Variants in CNTNAP5 observed in about 807,000 individuals in gnomAD.
The protein encoded by CNTNAP5 is contactin associated protein family member 5, also known as contactin-associated protein-like 5.
A neutral mutation model predicts 150.2 loss-of-function variants in CNTNAP5; 72 were observed. The observed-to-expected ratio is 0.48, with a 90% confidence interval of 0.40 to 0.58. The LOEUF (loss-of-function observed/expected upper bound fraction) is 0.58, where lower values mean the gene tolerates loss of function less well. Ranked by LOEUF, CNTNAP5 falls within the 20% of genes least tolerant of loss-of-function variation. CNTNAP5 has a pLI of 0.00. For synonymous variants in CNTNAP5, 672 were observed against 619.8 expected (o/e 1.08, Z -1.25); for missense variants, 1,636 against 1,626.2 (o/e 1.01, Z -0.10).
chr2:124,251,465 TG>T (rs1277781665), intron 3 of CNTNAP5, among the ~76,000 whole-genome samples: 1 of 69,674 alleles, frequency 1.4e-5, no homozygotes, highest in African/African-American at 5.8e-5. Context: ...ACGCTGTGGG[TG>T]CTTTTTTTTT....
chr2:124,566,149 A>G (rs1468587658), intron 11 of CNTNAP5, among the ~76,000 whole-genome samples: 1 of 143,280 alleles, frequency 7.0e-6, no homozygotes, highest in African/African-American at 2.5e-5. Flanking sequence ...GACCCCCATA[A>G]GGCTGTCCAG....
chr2:124,029,928 A>G (rs1245752559), intron 1 of CNTNAP5, among the ~76,000 whole-genome samples: 1 of 152,100 alleles, frequency 6.6e-6, no homozygotes, highest in Non-Finnish European at 1.5e-5. Flanking sequence ...ATCCCAGAGG[A>G]CAATTGGAAT....
chr2:124,356,854 T>C (rs1573937873), intron 3 of CNTNAP5, among the ~76,000 whole-genome samples: 2 of 151,600 alleles, frequency 1.3e-5, no homozygotes, highest in South Asian at 4.2e-4. Context: ...ATGGTATTTC[T>C]AGTTCTAGAT....
At chr2:124,464,516 C>T (rs191243806) in intron 6 of CNTNAP5, among the ~76,000 whole-genome samples, 195 of 152,206 alleles carry the variant, frequency 1.3e-3, no homozygotes, top group African/African-American at 4.2e-3. Flanking sequence ...ATATGTACTA[C>T]GAGCATATTA....
chr2:124,464,674 T>C (rs530916207), intron 6 of CNTNAP5, among the ~76,000 whole-genome samples: 5 of 152,320 alleles, frequency 3.3e-5, no homozygotes, highest in African/African-American at 1.2e-4. Flanking sequence ...TTACTTTCTT[T>C]TTTAAATACT....
intron 19 of CNTNAP5, among the ~76,000 whole-genome samples, chr2:124,846,930 C>G (rs6709530): frequency 0.013 from 1,967 of 152,276 alleles, 49 homozygotes; most frequent in African/African-American, 0.044. Context: ...GATTTGCCTT[C>G]TGATCTTGCA....
In CNTNAP5 at chr2:124,526,692, A is replaced by T. The variant is rs147284968; in HGVS notation, c.1478-593A>T. Reference sequence around the variant, plus strand: ...TATGCTATTACAGCCCTAAAATGACATGCATTTAAACCCTTAGTTCCTTCT... The same window carrying T: ...TATGCTATTACAGCCCTAAAATGACTTGCATTTAAACCCTTAGTTCCTTCT... On this transcript the variant is annotated intron_variant, in intron 9 of 23. Coordinates refer to ENST00000682447, the MANE Select transcript of CNTNAP5 (RefSeq NM_001367498.1). Among the ~76,000 whole-genome samples the T allele has an allele frequency of 4.0e-3, 614 of 152,332 alleles. 4 individuals are homozygous for T. The highest frequency in any genetic ancestry group is 0.014 in the African/African-American group (575 of 41,576).
chr2:124,744,672 T>C (rs1204460059), intron 13 of CNTNAP5, among the ~76,000 whole-genome samples: 1 of 152,198 alleles, frequency 6.6e-6, no homozygotes, highest in Non-Finnish European at 1.5e-5. Flanking sequence ...TAATCATGCT[T>C]TGTTCCTTCA....
intron 8 of CNTNAP5, among the ~76,000 whole-genome samples, chr2:124,511,965 A>ATG (rs1398070038): frequency 2.7e-5 from 4 of 149,390 alleles, no homozygotes; most frequent in Non-Finnish European, 4.4e-5. Context: ...AAATGTGTAT[A>ATG]TGTGTGTGTG....
rs538796535 is a variant in CNTNAP5, at chr2:124,791,693, C to CTTT, written c.2992+1569_2992+1571dup. On this transcript the variant is annotated intron_variant, in intron 18 of 23. Coordinates refer to ENST00000682447, the MANE Select transcript of CNTNAP5 (RefSeq NM_001367498.1). Reference sequence around the variant, plus strand: ...TATTGTTCTAAATGTAGCCTAATTTCTTTTTTTTTTTTTTTTTTTGGCTCC... The same window carrying CTTT: ...TATTGTTCTAAATGTAGCCTAATTTCTTTTTTTTTTTTTTTTTTTTTTGGCTCC... 5.2e-5 allele frequency among the ~76,000 whole-genome samples: 6 copies of CTTT among 115,378 alleles called. No homozygotes were observed. The East Asian group carries it at 8.0e-4, about 15-fold the overall frequency. 75.7% of individuals were successfully genotyped at this position (115,378 alleles called of 152,430 possible).
In CNTNAP5 at chr2:124,650,172, G is replaced by A. The variant is rs116773755; in HGVS notation, c.2077+2214G>A. Among the ~76,000 whole-genome samples the A allele has an allele frequency of 1.7e-3, 257 of 152,262 alleles. 2 individuals carry two copies. Among genetic ancestry groups the A allele is most frequent in the African/African-American group, 5.8e-3 (242 of 41,552 alleles). ...CCCATGTGCTCTGAATCAAAAGGAG[G>A]GAGATAAAGGAGAACAATGGGTATG... On this transcript the variant is annotated intron_variant, in intron 13 of 23. Transcript: ENST00000682447.
At chr2:124,290,939 G>A (rs990098394) in intron 3 of CNTNAP5, among the ~76,000 whole-genome samples, 1 of 151,562 alleles carries the variant, frequency 6.6e-6, no homozygotes, top group African/African-American at 2.4e-5. Context: ...AATTGTAGAT[G>A]TTCCTCATAG....
At chr2:124,331,936 A>G (rs1403740771) in intron 3 of CNTNAP5, among the ~76,000 whole-genome samples, 1 of 151,956 alleles carries the variant, frequency 6.6e-6, no homozygotes, top group African/African-American at 2.4e-5. Flanking sequence ...TTACTTTTGT[A>G]TCAGTGTACT....
intron 19 of CNTNAP5, among the ~76,000 whole-genome samples, chr2:124,814,362 A>T (rs192910699): frequency 7.2e-4 from 109 of 152,168 alleles, no homozygotes; most frequent in African/African-American, 2.5e-3. Context: ...GACTGCATTA[A>T]GAGCCCTTCA....
At chr2:124,567,299 T>C (rs887831706) in intron 11 of CNTNAP5, among the ~76,000 whole-genome samples, 9 of 152,196 alleles carry the variant, frequency 5.9e-5, no homozygotes, top group Middle Eastern at 3.2e-3. Context: ...AGAGATATCT[T>C]CAGTCCGTCT....
chr2:124,484,121 A>G (rs1470701905), intron 7 of CNTNAP5, among the ~76,000 whole-genome samples: 1 of 152,216 alleles, frequency 6.6e-6, no homozygotes, highest in Non-Finnish European at 1.5e-5. Context: ...AGACTCAAAC[A>G]CAGCTTATAA....
At chr2:124,456,934 A>C (rs569596461) in intron 6 of CNTNAP5, among the ~76,000 whole-genome samples, 1 of 152,380 alleles carries the variant, frequency 6.6e-6, no homozygotes, top group Non-Finnish European at 1.5e-5. Flanking sequence ...TTAAAGACTT[A>C]AATCTAAGAC....
intron 3 of CNTNAP5, among the ~76,000 whole-genome samples, chr2:124,317,958 T>A (rs1023383771): frequency 6.6e-6 from 1 of 152,170 alleles, no homozygotes; most frequent in South Asian, 2.1e-4. Context: ...CTTTAAAAAT[T>A]GCAGTGTGAG....
At chr2:124,532,067 G>T (rs539354643) in intron 10 of CNTNAP5, among the ~76,000 whole-genome samples, 258 of 152,286 alleles carry the variant, frequency 1.7e-3, no homozygotes, top group African/African-American at 6.1e-3. Flanking sequence ...GCTGTAGGGT[G>T]TGGGTTCTAG....
Sources: gnomAD v4.1 joint callset for allele counts (sites outside exome capture counted in the v4.1 genomes callset) on GRCh38, gnomAD v4.1.1 for gene constraint, MANE v1.5 for transcripts, NCBI Gene and HGNC (gene_info 2026-07-23, HGNC 2026-07-21) for gene names.